CFAP221: variants seen among roughly 807,000 people sequenced by gnomAD.
CFAP221 encodes cilia and flagella associated protein 221.
CFAP221 carries 97 observed loss-of-function variants against 113.1 expected under a neutral mutation model. The observed-to-expected ratio is 0.86, with a 90% CI of 0.73 to 1.02. CFAP221 has a LOEUF of 1.02. CFAP221 is among the 50% of genes least tolerant of loss of function. The pLI, the probability that CFAP221 is intolerant of heterozygous loss-of-function variation, is 0.00. For synonymous variants in CFAP221, 331 were observed against 354.4 expected (o/e 0.93, Z 0.74); for missense variants, 1,025 against 1,013.4 (o/e 1.01, Z -0.16).
intron 21 of CFAP221, among the ~76,000 whole-genome samples, chr2:119,645,771 A>AAAC (rs1687765699): frequency 6.6e-6 from 1 of 152,118 alleles, no homozygotes. Flanking sequence ...ATCTGTGAGG[A>AAAC]GGTCTGTTTC....
intron 6 of CFAP221, among the ~76,000 whole-genome samples, chr2:119,567,796 T>A (rs1485292979): frequency 6.6e-6 from 1 of 152,254 alleles, no homozygotes; most frequent in African/African-American, 2.4e-5. Flanking sequence ...TATAGTTCTA[T>A]TAATATCTAG....
chr2:119,643,688 C>T (rs1417140414), intron 21 of CFAP221, among the ~76,000 whole-genome samples: 2 of 152,084 alleles, frequency 1.3e-5, no homozygotes, highest in African/African-American at 4.8e-5. Context: ...GGACTACAGG[C>T]GTGGGCCACC....
chr2:119,617,148 G>A (rs569288905), intron 14 of CFAP221, among the ~76,000 whole-genome samples: 1 of 152,354 alleles, frequency 6.6e-6, no homozygotes, highest in Non-Finnish European at 1.5e-5. Flanking sequence ...GACTTCAAAT[G>A]TTGTGTTACA....
At chr2:119,577,149 G>A (rs1682504416) in intron 6 of CFAP221, among the ~76,000 whole-genome samples, 1 of 152,202 alleles carries the variant, frequency 6.6e-6, no homozygotes, top group Admixed American at 6.5e-5. Context: ...GCTGAGCTCT[G>A]GTGGGGGCCC....
intron 22 of CFAP221, 100 bp downstream of exon 22, chr2:119,647,150 G>C: frequency 1.2e-6 from 1 of 852,340 alleles, no homozygotes. Flanking sequence ...CAGTTCCTGA[G>C]CTTGCAACTC....
intron 7 of CFAP221, among the ~76,000 whole-genome samples, chr2:119,595,616 T>A (rs1408042890): frequency 6.6e-6 from 1 of 152,070 alleles, no homozygotes; most frequent in East Asian, 1.9e-4. Flanking sequence ...CTGCTGGGCA[T>A]CAGACACTGG....
At chr2:119,545,148 A>G (rs893381309) in intron 1 of CFAP221, 1 of 152,146 alleles carries the variant, frequency 6.6e-6, no homozygotes, top group Non-Finnish European at 1.5e-5. Context: ...CCGTCTTGGG[A>G]GTCTGAAGCT....
At chr2:119,654,716 A>C (rs1688331480) in intron 23 of CFAP221, among the ~76,000 whole-genome samples, 1 of 152,248 alleles carries the variant, frequency 6.6e-6, no homozygotes, top group African/African-American at 2.4e-5. Context: ...TTTTCAAAAA[A>C]CATACATACA....
chr2:119,602,519 C>T, intron 8 of CFAP221: 2 of 628,900 alleles, frequency 3.2e-6, no homozygotes, highest in Non-Finnish European at 4.0e-6. Flanking sequence ...CATCATTAAG[C>T]ATATTACAAG....
chr2:119,549,432 AG>A (rs1006668461), intron 3 of CFAP221, among the ~76,000 whole-genome samples: 29 of 152,190 alleles, frequency 1.9e-4, no homozygotes, highest in Admixed American at 1.2e-3. Context: ...AGTGACTCAT[AG>A]GGGCCAGATG....
At chr2:119,555,066 G>T (rs927353298) in intron 3 of CFAP221, among the ~76,000 whole-genome samples, 20 of 152,280 alleles carry the variant, frequency 1.3e-4, no homozygotes, top group African/African-American at 2.4e-5. Context: ...CATGGGATTG[G>T]GGGTGAAGAG....
In CFAP221 at chr2:119,601,378, G is replaced by T; in HGVS notation, c.791+1G>T. 2 of 1,506,648 alleles carry T rather than the reference G, an allele frequency of 1.3e-6. No homozygotes were observed. Among genetic ancestry groups the T allele is most frequent in the South Asian group, 2.5e-5 (2 of 80,700 alleles). The allele number at this position is 1,506,648 out of a possible 1,614,324, so 93.3% of individuals were successfully genotyped here. A position where few individuals can be genotyped will look rare whatever the true frequency, so the allele number is the denominator to read the frequency against. ...CATGCTATCCCAACATGGCCTTACC[G>T]TATGGCGTCTTTGCAGTGTTTTTGT... is the stretch of plus-strand genomic sequence containing the variant. On this transcript the variant is annotated splice_donor_variant, in intron 8 of 23. Transcript: ENST00000413369. LOFTEE classifies it high-confidence loss of function.
chr2:119,570,843 T>C (rs149736620), intron 6 of CFAP221, among the ~76,000 whole-genome samples: 61 of 152,352 alleles, frequency 4.0e-4, no homozygotes, highest in African/African-American at 1.5e-3. Context: ...CTATGAACAT[T>C]TGTGTATATG....
In CFAP221 at chr2:119,638,283, G is replaced by C. The variant is rs1325771028; in HGVS notation, c.1999G>C (p.Val667Leu). Residue 667 changes from valine to leucine, a missense_variant, in exon 20 of 24, where the codon GTA becomes CTA. Val to Leu is a conservative substitution (Grantham distance 32, BLOSUM62 1). Transcript: ENST00000413369. ...VFNPNPGLFA[V>L]MHPLTYAETL... ...GAATCCCAACCCAGGATTATTTGCTGTAATGCATCCTCTGACCTATGCAGA... is the reference window on the plus strand; with the variant it reads ...GAATCCCAACCCAGGATTATTTGCTCTAATGCATCCTCTGACCTATGCAGA... 27 of 1,614,036 alleles carry C rather than the reference G, an allele frequency of 1.7e-5. No homozygotes were observed. Among genetic ancestry groups the C allele is most frequent in the Non-Finnish European group, 2.3e-5 (27 of 1,179,986 alleles).
At chr2:119,587,298 C>A in intron 7 of CFAP221, 76 bp downstream of exon 7, 1 of 1,043,302 alleles carries the variant, frequency 9.6e-7, no homozygotes, top group Non-Finnish European at 1.3e-6. Flanking sequence ...AAACACATAT[C>A]AGTGATGAAT....
At chr2:119,579,682 A>G (rs1338797057) in intron 6 of CFAP221, among the ~76,000 whole-genome samples, 1 of 152,238 alleles carries the variant, frequency 6.6e-6, no homozygotes, top group Admixed American at 6.5e-5. Context: ...CTAATGCATC[A>G]GGAACTTGGC....
At chr2:119,613,717 G>A (rs1358708873) in intron 13 of CFAP221, among the ~76,000 whole-genome samples, 1 of 152,200 alleles carries the variant, frequency 6.6e-6, no homozygotes, top group African/African-American at 2.4e-5. Context: ...GGGAGGGGCT[G>A]CCATGAAGAC....
intron 22 of CFAP221, 104 bp downstream of exon 22, chr2:119,647,154 G>A (rs1296133231): frequency 6.0e-6 from 5 of 827,948 alleles, no homozygotes; most frequent in African/African-American, 3.5e-5. Flanking sequence ...TCCTGAGCTT[G>A]CAACTCAAAT....
intron 12 of CFAP221, among the ~76,000 whole-genome samples, chr2:119,609,275 G>A (rs1047068582): frequency 6.6e-6 from 1 of 152,182 alleles, no homozygotes; most frequent in Admixed American, 6.5e-5. Context: ...AGTCTGCTGG[G>A]GCTCTGTGTC....
Sources: allele counts gnomAD v4.1 joint callset (sites outside exome capture counted in the v4.1 genomes callset), GRCh38; gene constraint gnomAD v4.1.1; transcripts MANE v1.5; gene names NCBI Gene and HGNC (gene_info 2026-07-23, HGNC 2026-07-21).